The following GLOD4 variants were observed in gnomAD, a reference collection of about 807,000 sequenced individuals.
GLOD4 encodes the protein glyoxalase domain-containing protein 4.
Under a neutral mutation model 39.1 loss-of-function variants are expected in GLOD4, and 44 were observed. That is an observed-to-expected ratio of 1.13 (90% CI 0.88 to 1.45). The LOEUF is 1.45. Ranked by LOEUF, GLOD4 falls within the 40% of genes most tolerant of loss-of-function variation. The probability of loss-of-function intolerance (pLI) is 0.00; values close to 1 mark genes in which losing one functional copy is unlikely to be tolerated. For synonymous variants in GLOD4, 145 were observed against 135.0 expected, an observed-to-expected ratio of 1.07 and a Z score of -0.52; for missense variants, 405 against 366.4, an observed-to-expected ratio of 1.11 and a Z score of -0.86.
At chr17:772,438 A>G (rs1908139743) in intron 4 of GLOD4, among the ~76,000 whole-genome samples, 1 of 152,084 alleles carries the variant, frequency 6.6e-6, no homozygotes, top group Admixed American at 6.6e-5. Flanking sequence ...CAAAGATAGA[A>G]AAACTATGAA....
At position 782,084 on chromosome 17, in the gene GLOD4, C is replaced by T. The variant is rs189241276; in HGVS notation, c.90+82G>A. 2,335 of 983,870 alleles carry T rather than the reference C, an allele frequency of 2.4e-3. 17 individuals are homozygous for T. Among genetic ancestry groups the T allele is most frequent in the Non-Finnish European group, 2.0e-3 (1,283 of 653,646 alleles). The allele number at this position is 983,870 out of a possible 1,614,324, so 60.9% of individuals were successfully genotyped here. A position where few individuals can be genotyped will look rare whatever the true frequency, so the allele number is the denominator to read the frequency against. ...CTCCGGCTTAGGTTCACGACACACC[C>T]ATTTTCCCCTCCCTCCGCCAGGGCC... is the stretch of plus-strand genomic sequence containing the variant. On this transcript the variant is annotated intron_variant, in intron 1 of 8. Coordinates refer to ENST00000301329, the MANE Select transcript of GLOD4 (RefSeq NM_016080.4).
intron 8 of GLOD4, chr17:764,805 G>C (rs563277896): frequency 5.6e-5 from 8 of 143,012 alleles, no homozygotes; most frequent in Middle Eastern, 3.6e-3. Flanking sequence ...TCAGGAGATC[G>C]AGACCATCCT....
chr17:760,574 C>T lies in GLOD4; in HGVS notation c.832-336G>A, dbSNP rs981694324. Among the ~76,000 whole-genome samples the T allele has an allele frequency of 5.3e-5, 8 of 152,238 alleles. No homozygotes were observed. The South Asian group carries it at 1.0e-3, about 20-fold the overall frequency. On this transcript the variant is annotated intron_variant, in intron 8 of 8. Coordinates refer to ENST00000301329, the MANE Select transcript of GLOD4 (RefSeq NM_016080.4). ...CGAGGTCAGGGACCCGCATGCCAGG[C>T]GGTAGGATCTCTGGTAAAAGAGCAA...
chr17:765,127 A>G (rs1440656784), intron 8 of GLOD4: 1 of 151,194 alleles, frequency 6.6e-6, no homozygotes, highest in Non-Finnish European at 1.5e-5. Context: ...ACTCACCTAC[A>G]GTGACAGAAG....
In GLOD4 at chr17:762,757, G is replaced by A. The variant is rs188325976; in HGVS notation, c.832-2519C>T. Among the ~76,000 whole-genome samples the A allele has an allele frequency of 9.6e-4, 147 of 152,338 alleles. 2 individuals are homozygous for A. Among genetic ancestry groups the A allele is most frequent in the African/African-American group, 3.5e-3 (144 of 41,552 alleles). ...AGGGGAATAATTTCATCACCATCCAGGCCCCTGCCTGCCACTTACTCAGTG... is the reference window on the plus strand; with the variant it reads ...AGGGGAATAATTTCATCACCATCCAAGCCCCTGCCTGCCACTTACTCAGTG... On this transcript the variant is annotated intron_variant, in intron 8 of 8. Transcript: ENST00000301329.
intron 5 of GLOD4, chr17:770,836 G>C (rs1382505634): frequency 8.4e-6 from 2 of 238,718 alleles, no homozygotes. Flanking sequence ...CCATGAATGA[G>C]CCGTAAATTA....
At chr17:772,187 G>GA (rs58914913) in intron 4 of GLOD4, among the ~76,000 whole-genome samples, 684 of 50,834 alleles carry the variant, frequency 0.013, 39 homozygotes, top group African/African-American at 0.051. Flanking sequence ...ACCCTATCTC[G>GA]AAAAAAAAAA....
chr17:766,093 T>G (rs1019283518), intron 8 of GLOD4, among the ~76,000 whole-genome samples: 9 of 151,258 alleles, frequency 6.0e-5, no homozygotes, highest in Non-Finnish European at 1.3e-4. Flanking sequence ...GCCCAGGAAG[T>G]TTGAAACCAG....
intron 8 of GLOD4, chr17:764,921 G>A (rs1457356187): frequency 6.6e-6 from 1 of 150,848 alleles, no homozygotes; most frequent in Non-Finnish European, 1.5e-5. Context: ...GCAGGAGAAT[G>A]GCGTGAACCC....
At chr17:764,899 C>G (rs544833057) in intron 8 of GLOD4, 1 of 150,708 alleles carries the variant, frequency 6.6e-6, no homozygotes, top group African/African-American at 2.4e-5. Context: ...CCCAGCTACT[C>G]GGTAGGCTGA....
rs1905156403 is a variant in GLOD4 at position 759,733 on chromosome 17, A to G, written c.*440T>C. 1 of 154,912 alleles carries G rather than the reference A, an allele frequency of 6.5e-6. No individual in the cohort carries two copies. Among genetic ancestry groups the G allele is most frequent in the South Asian group, 2.0e-4 (1 of 4,940 alleles). The allele number at this position is 154,912 out of a possible 1,614,324, so 9.6% of individuals were successfully genotyped here. On this transcript the variant is annotated 3_prime_UTR_variant, in exon 9 of 9. Transcript: ENST00000301329. ...CGTCAAAACCTGCCAGAATAAGACAATAGAAGAGCGTATCGTCAGGCGCTG... is the reference window on the plus strand; with the variant it reads ...CGTCAAAACCTGCCAGAATAAGACAGTAGAAGAGCGTATCGTCAGGCGCTG...
chr17:768,719 ACG>A (rs1907266788), intron 8 of GLOD4, among the ~76,000 whole-genome samples: 1 of 77,728 alleles, frequency 1.3e-5, no homozygotes, highest in African/African-American at 5.8e-5. Context: ...TCTGGAGAGG[ACG>A]TGAGAGAGAG....
chr17:782,575 GTGCCCAGGAGCAAC>G, upstream of GLOD4: 2 of 1,614,108 alleles, frequency 1.2e-6, no homozygotes, highest in Non-Finnish European at 8.5e-7. Context: ...TCTGAGGCCA[GTGCCCAGGAGCAAC>G]GAGAGAAACA....
intron 4 of GLOD4, among the ~76,000 whole-genome samples, chr17:774,117 A>C (rs1237295596): frequency 6.6e-6 from 1 of 152,216 alleles, no homozygotes; most frequent in African/African-American, 2.4e-5. Flanking sequence ...TCACCTATCA[A>C]CAAAAAAACA....
chr17:783,389 T>G (rs2144513086), upstream of GLOD4: 1 of 1,492,266 alleles, frequency 6.7e-7, no homozygotes, highest in Non-Finnish European at 9.0e-7. Flanking sequence ...CAGGCTGGAG[T>G]GCAATGGCGC....
chr17:778,920 GC>G (rs1909398603), intron 1 of GLOD4, 176 bp from the exon 2 acceptor site: 7 of 585,362 alleles, frequency 1.2e-5, no homozygotes, highest in Middle Eastern at 4.5e-4. Flanking sequence ...AGGACGAACA[GC>G]TTGACACCAA....
upstream of GLOD4, chr17:782,559 G>T: frequency 6.2e-7 from 1 of 1,614,058 alleles, no homozygotes; most frequent in South Asian, 1.1e-5. Flanking sequence ...GCCCCGCAAG[G>T]CACCATCTGA....
chr17:763,456 G>C (rs916241480), intron 8 of GLOD4: 4 of 152,120 alleles, frequency 2.6e-5, no homozygotes, highest in Admixed American at 2.6e-4. Context: ...GGGAGGCGGA[G>C]GCTGCAGTGA....
At chr17:782,031 C>T in intron 1 of GLOD4, 135 bp downstream of exon 1, 1 of 635,924 alleles carries the variant, frequency 1.6e-6, no homozygotes. Flanking sequence ...TGAAGCTGAA[C>T]ACCGCGCAGG....
Sources: gnomAD v4.1 joint callset for allele counts (sites outside exome capture counted in the v4.1 genomes callset) on GRCh38, gnomAD v4.1.1 for gene constraint, MANE v1.5 for transcripts, NCBI Gene and HGNC (gene_info 2026-07-23, HGNC 2026-07-21) for gene names.